RBFOX1: variants seen among roughly 807,000 people sequenced by gnomAD.
RBFOX1 encodes RNA binding fox-1 homolog 1.
RBFOX1 carries 8 observed loss-of-function variants against 57.7 expected under a neutral mutation model. The ratio of observed to expected loss-of-function variants is 0.14; its 90% CI spans 0.08 to 0.25. The LOEUF (loss-of-function observed/expected upper bound fraction) is 0.25, where lower values mean the gene tolerates loss of function less well. Ranked by LOEUF, RBFOX1 falls within the 10% of genes least tolerant of loss-of-function variation. The pLI, the probability that RBFOX1 is intolerant of heterozygous loss-of-function variation, is 1.00. For synonymous variants in RBFOX1, 326 were observed against 222.4 expected, an observed-to-expected ratio of 1.47 and a Z score of -4.15; for missense variants, 611 against 548.5, an observed-to-expected ratio of 1.11 and a Z score of -1.14.
chr16:7,414,240 C>T (rs527933278), intron 4 of RBFOX1, among the ~76,000 whole-genome samples: 2 of 152,270 alleles, frequency 1.3e-5, no homozygotes, highest in South Asian at 2.1e-4. Flanking sequence ...TGGACAAAAC[C>T]GAGTGCTCAC....
chr16:7,419,600 T>A (rs914607561), intron 4 of RBFOX1, among the ~76,000 whole-genome samples: 6 of 152,256 alleles, frequency 3.9e-5, no homozygotes, highest in African/African-American at 9.6e-5. Flanking sequence ...TAGCTGTTGA[T>A]AACAGGGCCC....
chr16:5,818,302 G>C (rs2055717570), intron 3 of RBFOX1, among the ~76,000 whole-genome samples: 1 of 152,212 alleles, frequency 6.6e-6, no homozygotes. Context: ...ACCCCGGCAG[G>C]AAAGCCTGAG....
intron 5 of RBFOX1, among the ~76,000 whole-genome samples, chr16:7,528,740 C>T (rs779241283): frequency 6.6e-6 from 1 of 152,096 alleles, no homozygotes; most frequent in Non-Finnish European, 1.5e-5. Context: ...TCATTTTATG[C>T]CCTTAATTCA....
At chr16:6,667,389 A>G (rs2098739531) in intron 3 of RBFOX1, among the ~76,000 whole-genome samples, 1 of 152,066 alleles carries the variant, frequency 6.6e-6, no homozygotes, top group Non-Finnish European at 1.5e-5. Context: ...TGTGGCTAAG[A>G]GCTTCAGCTT....
chr16:6,493,029 G>C (rs577907894), intron 2 of RBFOX1, among the ~76,000 whole-genome samples: 4 of 152,124 alleles, frequency 2.6e-5, no homozygotes, highest in African/African-American at 7.2e-5. Context: ...TATTCTTTGT[G>C]ATTTTCAGCA....
intron 4 of RBFOX1, among the ~76,000 whole-genome samples, chr16:5,901,820 C>G (rs1033524682): frequency 6.6e-6 from 1 of 152,208 alleles, no homozygotes; most frequent in Admixed American, 6.5e-5. Flanking sequence ...GGATTTCCAC[C>G]TAATGCTTTT....
At chr16:6,689,776 T>G (rs2059946241) in intron 3 of RBFOX1, among the ~76,000 whole-genome samples, 1 of 152,232 alleles carries the variant, frequency 6.6e-6, no homozygotes, top group Non-Finnish European at 1.5e-5. Context: ...GCTGTTTTGT[T>G]TCTCCGTCTT....
intron 14 of RBFOX1, among the ~76,000 whole-genome samples, chr16:7,694,170 A>G (rs2078069862): frequency 6.6e-6 from 1 of 152,208 alleles, no homozygotes; most frequent in Non-Finnish European, 1.5e-5. Flanking sequence ...GACCAAAACA[A>G]TCACTAGGAA....
intron 3 of RBFOX1, among the ~76,000 whole-genome samples, chr16:5,796,854 C>T (rs960386740): frequency 3.3e-5 from 5 of 152,166 alleles, no homozygotes; most frequent in Non-Finnish European, 7.3e-5. Context: ...CTATATGGCC[C>T]TCACATCATT....
At chr16:6,454,813 T>A (rs961380002) in intron 2 of RBFOX1, among the ~76,000 whole-genome samples, 2 of 150,636 alleles carry the variant, frequency 1.3e-5, no homozygotes, top group East Asian at 3.9e-4. Context: ...CATTTCCATG[T>A]TCCGTCCCCT....
At chr16:6,479,636 A>T (rs973138370) in intron 2 of RBFOX1, among the ~76,000 whole-genome samples, 6 of 152,158 alleles carry the variant, frequency 3.9e-5, no homozygotes, top group African/African-American at 1.4e-4. Flanking sequence ...TCTCATGGGA[A>T]CTCACCCACT....
intron 4 of RBFOX1, among the ~76,000 whole-genome samples, chr16:7,231,912 G>A (rs1366749687): frequency 1.3e-5 from 2 of 152,140 alleles, no homozygotes; most frequent in African/African-American, 4.8e-5. Flanking sequence ...AGGGGTTGGG[G>A]AATAACCATT....
intron 14 of RBFOX1, among the ~76,000 whole-genome samples, chr16:7,700,999 A>G (rs1434111360): frequency 6.6e-6 from 1 of 152,186 alleles, no homozygotes; most frequent in African/African-American, 2.4e-5. Flanking sequence ...GGCAAAAAAA[A>G]GCAAGTTCTG....
At chr16:7,189,121 G>T (rs1257249970) in intron 4 of RBFOX1, among the ~76,000 whole-genome samples, 6 of 151,926 alleles carry the variant, frequency 3.9e-5, no homozygotes, top group Admixed American at 3.9e-4. Flanking sequence ...AATAAGGAGT[G>T]ATTTCTAGAA....
intron 2 of RBFOX1, among the ~76,000 whole-genome samples, chr16:6,607,108 T>C (rs968212309): frequency 6.6e-6 from 1 of 152,196 alleles, no homozygotes; most frequent in African/African-American, 2.4e-5. Context: ...TACTGACTAA[T>C]AGTCCCTGAG....
chr16:6,460,066 G>A (rs57871779), intron 2 of RBFOX1, among the ~76,000 whole-genome samples: 24,348 of 138,664 alleles, frequency 0.18, 2,611 homozygotes, highest in East Asian at 0.48. Context: ...CCAATATTCT[G>A]TAATGTAGGT....
intron 1 of RBFOX1, among the ~76,000 whole-genome samples, chr16:6,209,820 G>C (rs1311699375): frequency 6.6e-6 from 1 of 152,212 alleles, no homozygotes; most frequent in Non-Finnish European, 1.5e-5. Context: ...TTGTCCTACA[G>C]TGAGGCAGAG....
At chr16:6,223,798 A>T (rs1301743229) in intron 1 of RBFOX1, among the ~76,000 whole-genome samples, 4 of 152,122 alleles carry the variant, frequency 2.6e-5, no homozygotes, top group Non-Finnish European at 4.4e-5. Context: ...TTGAATGGTA[A>T]TGCCTAGGTT....
intron 4 of RBFOX1, among the ~76,000 whole-genome samples, chr16:7,072,577 C>T (rs2057545041): frequency 6.6e-6 from 1 of 152,114 alleles, no homozygotes; most frequent in Admixed American, 6.6e-5. Context: ...TCAGTATGCA[C>T]CAATAACATA....
Sources: allele counts gnomAD v4.1 joint callset (sites outside exome capture counted in the v4.1 genomes callset), GRCh38; gene constraint gnomAD v4.1.1; transcripts MANE v1.5; gene names NCBI Gene and HGNC (gene_info 2026-07-23, HGNC 2026-07-21).